The following SUPT3H variants were observed in gnomAD, a reference collection of about 807,000 sequenced individuals.
SUPT3H encodes SPT3 homolog, SAGA and STAGA complex component, also known as transcription initiation protein SPT3 homolog.
Under a neutral mutation model 44.3 loss-of-function variants are expected in SUPT3H, and 44 were observed. The ratio of observed to expected loss-of-function variants is 0.99; its 90% CI spans 0.78 to 1.28. The LOEUF is 1.28. Among genes scored for constraint, SUPT3H ranks in the 50% most tolerant of loss-of-function variants. SUPT3H has a pLI of 0.00. For synonymous variants in SUPT3H, 124 were observed against 125.6 expected (o/e 0.99, Z 0.09); for missense variants, 380 against 387.1 (o/e 0.98, Z 0.15).
At chr6:45,263,403 T>C (rs1372974243) in intron 2 of SUPT3H, among the ~76,000 whole-genome samples, 1 of 152,170 alleles carries the variant, frequency 6.6e-6, no homozygotes, top group Admixed American at 6.6e-5. Flanking sequence ...ATACCATATG[T>C]TCTCATCTAA....
chr6:45,318,465 A>T (rs1180310353), intron 2 of SUPT3H, among the ~76,000 whole-genome samples: 2 of 152,156 alleles, frequency 1.3e-5, no homozygotes, highest in Non-Finnish European at 2.9e-5. Flanking sequence ...TTAAGTGTAG[A>T]CCACCAATGC....
intron 2 of SUPT3H, among the ~76,000 whole-genome samples, chr6:45,164,227 C>A (rs973151565): frequency 2.6e-5 from 4 of 152,094 alleles, no homozygotes; most frequent in African/African-American, 9.7e-5. Flanking sequence ...GGGACCTATT[C>A]ATGGGGCATC....
At chr6:45,271,076 TG>T (rs890821467) in intron 2 of SUPT3H, among the ~76,000 whole-genome samples, 1 of 152,208 alleles carries the variant, frequency 6.6e-6, no homozygotes, top group African/African-American at 2.4e-5. Context: ...AGAGGTGACC[TG>T]GGTGCTGTTA....
chr6:45,115,365 G>C (rs74863179), intron 2 of SUPT3H, among the ~76,000 whole-genome samples: 2 of 152,090 alleles, frequency 1.3e-5, no homozygotes, highest in Non-Finnish European at 2.9e-5. Flanking sequence ...ACATTTTTCA[G>C]ATTGACAGTG....
chr6:45,278,552 GA>G (rs1431903976), intron 2 of SUPT3H, among the ~76,000 whole-genome samples: 1 of 152,106 alleles, frequency 6.6e-6, no homozygotes, highest in Non-Finnish European at 1.5e-5. Context: ...TCTTCTTTTG[GA>G]AAATGACCTC....
intron 2 of SUPT3H, among the ~76,000 whole-genome samples, chr6:45,250,162 G>A (rs1402652474): frequency 6.6e-6 from 1 of 151,884 alleles, no homozygotes; most frequent in Admixed American, 6.6e-5. Flanking sequence ...CAAAGAATAA[G>A]GAAAAGCCTC....
intron 6 of SUPT3H, among the ~76,000 whole-genome samples, chr6:44,988,841 T>A (rs1780199867): frequency 6.6e-6 from 1 of 152,154 alleles, no homozygotes; most frequent in South Asian, 2.1e-4. Flanking sequence ...AAACACTGGA[T>A]AATTCTTGGT....
intron 3 of SUPT3H, among the ~76,000 whole-genome samples, chr6:45,071,508 G>C (rs7349856): frequency 6.6e-6 from 1 of 152,042 alleles, no homozygotes. Flanking sequence ...AAGAGAATCA[G>C]TTGTCTTAGC....
chr6:44,896,665 C>T (rs1226582271), intron 10 of SUPT3H, among the ~76,000 whole-genome samples: 1 of 152,156 alleles, frequency 6.6e-6, no homozygotes, highest in Admixed American at 6.6e-5. Context: ...GCTTTTTAAA[C>T]ACATCTCCTT....
At chr6:44,878,342 C>G (rs1286013902) in intron 10 of SUPT3H, among the ~76,000 whole-genome samples, 3 of 152,106 alleles carry the variant, frequency 2.0e-5, no homozygotes, top group Non-Finnish European at 2.9e-5. Flanking sequence ...TTTAATGGAA[C>G]CTAAACTCTT....
intron 2 of SUPT3H, among the ~76,000 whole-genome samples, chr6:45,302,065 A>C (rs562783739): frequency 5.9e-4 from 90 of 152,196 alleles, no homozygotes; most frequent in Non-Finnish European, 9.0e-4. Flanking sequence ...ATGATAAGGA[A>C]GTCCCCTCTG....
chr6:45,270,545 C>T (rs574009539), intron 2 of SUPT3H, among the ~76,000 whole-genome samples: 1 of 152,296 alleles, frequency 6.6e-6, no homozygotes, highest in South Asian at 2.1e-4. Flanking sequence ...GGGACTTGCT[C>T]CTCCTTGCCT....
intron 2 of SUPT3H, among the ~76,000 whole-genome samples, chr6:45,306,502 C>T (rs932317083): frequency 7.2e-5 from 11 of 152,142 alleles, no homozygotes; most frequent in South Asian, 6.2e-4. Flanking sequence ...AACCAACAAG[C>T]GCCCTCATAA....
At chr6:45,296,014 T>C (rs548402915) in intron 2 of SUPT3H, among the ~76,000 whole-genome samples, 2 of 152,130 alleles carry the variant, frequency 1.3e-5, no homozygotes, top group East Asian at 1.9e-4. Flanking sequence ...TAGGAAAAGA[T>C]ACTTGCACAC....
intron 7 of SUPT3H, among the ~76,000 whole-genome samples, chr6:44,956,080 C>T (rs1775104247): frequency 6.6e-6 from 1 of 151,000 alleles, no homozygotes; most frequent in Non-Finnish European, 1.5e-5. Context: ...CGAGATGGAG[C>T]CACTGCACTC....
At chr6:45,104,406 T>C (rs1295266204) in intron 3 of SUPT3H, among the ~76,000 whole-genome samples, 4 of 152,106 alleles carry the variant, frequency 2.6e-5, no homozygotes, top group Non-Finnish European at 5.9e-5. Context: ...ATATTCTACA[T>C]TCAGTACTTT....
chr6:44,939,856 T>G (rs1227304081), intron 9 of SUPT3H, among the ~76,000 whole-genome samples: 1 of 152,104 alleles, frequency 6.6e-6, no homozygotes, highest in Non-Finnish European at 1.5e-5. Context: ...TTGCTCATAA[T>G]AGTCTGTGAC....
intron 3 of SUPT3H, among the ~76,000 whole-genome samples, chr6:45,023,099 T>C (rs1420024676): frequency 6.6e-6 from 1 of 151,676 alleles, no homozygotes; most frequent in Non-Finnish European, 1.5e-5. Context: ...CATTAAAAAG[T>C]GGGCAAAGGA....
At chr6:45,040,408 G>A (rs1032432127) in intron 3 of SUPT3H, among the ~76,000 whole-genome samples, 3 of 152,122 alleles carry the variant, frequency 2.0e-5, no homozygotes, top group Admixed American at 6.6e-5. Context: ...ATCTACATTC[G>A]TACATGCAGA....
Sources: gnomAD v4.1 joint callset for allele counts (sites outside exome capture counted in the v4.1 genomes callset) on GRCh38, gnomAD v4.1.1 for gene constraint, MANE v1.5 for transcripts, NCBI Gene and HGNC (gene_info 2026-07-23, HGNC 2026-07-21) for gene names.